PSPC1: variants seen among roughly 807,000 people sequenced by gnomAD.
PSPC1 encodes the protein paraspeckle protein 1.
Under a neutral mutation model 51.6 loss-of-function variants are expected in PSPC1, and 14 were observed. The observed-to-expected ratio is 0.27, with a 90% CI of 0.18 to 0.42. The LOEUF is 0.42. Among genes scored for constraint, PSPC1 ranks in the 10% least tolerant of loss-of-function variants. The pLI is 1.00. For synonymous variants in PSPC1, 193 were observed against 231.9 expected (o/e 0.83, Z 1.53); for missense variants, 406 against 701.1 (o/e 0.58, Z 4.75).
At chr13:19,692,102 A>AGC (rs1202871328) in intron 6 of PSPC1, among the ~76,000 whole-genome samples, 1 of 152,144 alleles carries the variant, frequency 6.6e-6, no homozygotes, top group African/African-American at 2.4e-5. Context: ...AAGAAAAGGA[A>AGC]GCAGAATCTG....
intron 5 of PSPC1, among the ~76,000 whole-genome samples, chr13:19,730,961 A>C (rs544346476): frequency 1.9e-3 from 45 of 23,590 alleles, no homozygotes; most frequent in South Asian, 6.1e-3. Flanking sequence ...AAAAAACAAA[A>C]AAACAAAAAA....
downstream of PSPC1, among the ~76,000 whole-genome samples, chr13:19,702,018 A>C (rs1370971427): frequency 2.6e-5 from 4 of 152,222 alleles, no homozygotes; most frequent in Non-Finnish European, 5.9e-5. Flanking sequence ...TTGATAGTGA[A>C]AGGAGCTAAT....
chr13:19,779,748 T>C (rs1323241195), intron 1 of PSPC1, among the ~76,000 whole-genome samples: 39 of 39,126 alleles, frequency 1.0e-3, no homozygotes, highest in Admixed American at 2.4e-3. Flanking sequence ...GGGTCAGCCC[T>C]CCGCCCAGCC....
intron 2 of PSPC1, among the ~76,000 whole-genome samples, chr13:19,767,535 T>C (rs971300187): frequency 6.6e-6 from 1 of 151,900 alleles, no homozygotes. Context: ...TTTGAAAAAA[T>C]AAAATTGGAT....
At chr13:19,717,929 A>C (rs1225202952) in intron 6 of PSPC1, among the ~76,000 whole-genome samples, 1 of 151,424 alleles carries the variant, frequency 6.6e-6, no homozygotes. Flanking sequence ...CTGTAATCTC[A>C]GGGTTTTGGG....
At chr13:19,700,843 AT>A (rs1879816848), downstream of PSPC1, among the ~76,000 whole-genome samples, 1 of 152,118 alleles carries the variant, frequency 6.6e-6, no homozygotes. Context: ...TTTCCTCTTT[AT>A]TTTTGTATCT....
intron 6 of PSPC1, among the ~76,000 whole-genome samples, chr13:19,685,651 G>GT (rs1445492451): frequency 4.6e-5 from 7 of 152,194 alleles, no homozygotes; most frequent in African/African-American, 1.7e-4. Flanking sequence ...GCAGCAGCAA[G>GT]AGTAGAGCAA....
At chr13:19,671,990 C>A, downstream of PSPC1, 1 of 1,055,486 alleles carries the variant, frequency 9.5e-7, no homozygotes, top group Non-Finnish European at 1.4e-6. Context: ...AAACCTCTTG[C>A]AGTTAAGCCT....
intron 4 of PSPC1, among the ~76,000 whole-genome samples, chr13:19,747,848 C>A (rs1033923664): frequency 6.6e-6 from 1 of 152,118 alleles, no homozygotes; most frequent in African/African-American, 2.4e-5. Flanking sequence ...CATGTTTCTG[C>A]GGAACCACAC....
intron 7 of PSPC1, among the ~76,000 whole-genome samples, chr13:19,709,158 C>CAAAAAAA (rs11446310): frequency 4.8e-5 from 4 of 83,692 alleles, no homozygotes; most frequent in African/African-American, 1.9e-4. Flanking sequence ...GGTCCTGCCT[C>CAAAAAAA]AAAAAAAAAA....
At chr13:19,766,868 G>GA (rs545132287) in intron 2 of PSPC1, among the ~76,000 whole-genome samples, 5,111 of 139,740 alleles carry the variant, frequency 0.037, 127 homozygotes, top group Middle Eastern at 0.062. Flanking sequence ...GAAAAAAAAA[G>GA]AAAAAAAAAA....
At position 19,782,252 on chromosome 13, in the gene PSPC1, A is replaced by C; in HGVS notation, c.372+134T>G. ...GAAGCGGCCAACCCCGCACAGAGGA[A>C]TCGATGAGGCCGAGCGGCGCCACGG... On this transcript the variant is annotated intron_variant, in intron 1 of 8. Transcript: ENST00000338910. This position sits in a 1 kb window ranked among gnomAD's most constrained non-coding sequence, Gnocchi z 4.5. 1 of 1,354,190 alleles carries C rather than the reference A, an allele frequency of 7.4e-7. No individual in the cohort carries two copies. The highest frequency in any genetic ancestry group is 9.7e-7 in the Non-Finnish European group (1 of 1,032,118). 83.9% of individuals were successfully genotyped at this position (1,354,190 alleles called of 1,614,324 possible).
At chr13:19,770,214 C>A (rs1888493058) in intron 2 of PSPC1, among the ~76,000 whole-genome samples, 1 of 152,110 alleles carries the variant, frequency 6.6e-6, no homozygotes, top group African/African-American at 2.4e-5. Context: ...TTAGAAAACA[C>A]AAAACTTATT....
intron 6 of PSPC1, among the ~76,000 whole-genome samples, chr13:19,729,871 ACAATTC>A (rs1883835774): frequency 6.6e-6 from 1 of 152,244 alleles, no homozygotes; most frequent in Non-Finnish European, 1.5e-5. Context: ...AGTGTTCACT[ACAATTC>A]TTCTGTACAT....
intron 2 of PSPC1, among the ~76,000 whole-genome samples, chr13:19,771,207 G>T (rs561036977): frequency 6.9e-4 from 105 of 152,204 alleles, no homozygotes; most frequent in Admixed American, 1.2e-3. Flanking sequence ...GCACAATCTG[G>T]ACTCACTGCA....
intron 4 of PSPC1, among the ~76,000 whole-genome samples, chr13:19,744,358 C>T (rs1214220124): frequency 6.6e-6 from 1 of 152,100 alleles, no homozygotes; most frequent in African/African-American, 2.4e-5. Flanking sequence ...ATGAAATTAT[C>T]AAATAAGCAC....
rs780885762 is a variant in PSPC1, at chr13:19,782,711, G to A, written c.47C>T (p.Pro16Leu). 1 of 1,569,914 alleles carries A rather than the reference G, an allele frequency of 6.4e-7. No homozygotes were observed. The highest frequency in any genetic ancestry group is 2.4e-5 in the East Asian group (1 of 40,976). The stretch of plus-strand genomic sequence containing the variant: ...GGACTCCAGGGCGCGAAGGCGGGCC[G>A]GGTTTTTCTCAATGCGCACTTGCTT... Reference protein sequence around the residue: ...NLKQVRIEKNPARLRALESAV... With the variant: ...NLKQVRIEKNLARLRALESAV... The change falls in exon 1 of 9, where the codon CCG (proline) becomes CTG (leucine). Residue 16 changes from proline to leucine, a missense_variant. Pro to Leu is a moderately conservative substitution (Grantham distance 98). Coordinates refer to ENST00000338910, the MANE Select transcript of PSPC1 (RefSeq NM_001354909.2). This position sits in a 1 kb window ranked among gnomAD's most constrained non-coding sequence, Gnocchi z 4.5.
At chr13:19,686,257 G>A (rs922623448) in intron 6 of PSPC1, among the ~76,000 whole-genome samples, 10 of 152,152 alleles carry the variant, frequency 6.6e-5, no homozygotes, top group African/African-American at 2.4e-4. Context: ...TCTCAACAGA[G>A]CAATCTCCGT....
At chr13:19,717,754 C>G (rs1882287562) in intron 6 of PSPC1, among the ~76,000 whole-genome samples, 1 of 151,352 alleles carries the variant, frequency 6.6e-6, no homozygotes, top group African/African-American at 2.4e-5. Context: ...TGGTGCACCC[C>G]TGTATCCCAG....
Sources: gnomAD v4.1 joint callset for allele counts (sites outside exome capture counted in the v4.1 genomes callset) on GRCh38, gnomAD v4.1.1 for gene constraint, Gnocchi (gnomAD v3.1) non-coding constraint, MANE v1.5 for transcripts, NCBI Gene and HGNC (gene_info 2026-07-23, HGNC 2026-07-21) for gene names.